Variants in UNKL observed in about 807,000 individuals in gnomAD.
UNKL encodes putative E3 ubiquitin-protein ligase UNKL.
Under a neutral mutation model 78.0 loss-of-function variants are expected in UNKL, and 60 were observed. The ratio of observed to expected loss-of-function variants is 0.77; its 90% CI spans 0.63 to 0.95. The LOEUF (loss-of-function observed/expected upper bound fraction) is 0.95. Ranked by LOEUF, UNKL falls within the 40% of genes least tolerant of loss-of-function variation. The pLI, the probability that UNKL is intolerant of heterozygous loss-of-function variation, is 0.00. For missense variants in UNKL, 1,159 were observed against 1,045.7 expected, an observed-to-expected ratio of 1.11 and a Z score of -1.49; for synonymous variants, 608 against 474.8, an observed-to-expected ratio of 1.28 and a Z score of -3.65.
intron 7 of UNKL, among the ~76,000 whole-genome samples, chr16:1,393,746 G>GA (rs2037145841): frequency 1.3e-5 from 2 of 152,210 alleles, no homozygotes; most frequent in African/African-American, 4.8e-5. Flanking sequence ...TGCCTGGCAA[G>GA]ATGGCAGTCT....
In UNKL at chr16:1,367,206, G is replaced by C; in HGVS notation, c.1932C>G (p.Gly644=). 3 of 1,605,092 alleles carry C rather than the reference G, an allele frequency of 1.9e-6. No homozygotes were observed. Among genetic ancestry groups the C allele is most frequent in the Non-Finnish European group, 2.5e-6 (3 of 1,178,076 alleles). Residue 644 remains glycine (G), a synonymous_variant, in exon 14 of 15, where the codon GGC becomes GGG. Transcript: ENST00000389221. ...KQLQEELEGL[G]VASTLPGLRG... ...GCAGCCCCGGCAGTGTGGAGGCTAC[G>C]CCCAGGCCCTCCAGCTCCTCCTGCA... is the stretch of plus-strand genomic sequence containing the variant.
At position 1,403,194 on chromosome 16, in the gene UNKL, G is replaced by A. The variant is rs765400788; in HGVS notation, c.438C>T (p.Asp146=). ...LHCAFAHGPL[D]LRPPVCDVRE... is the part of the protein sequence containing the mutation. Reference sequence around the variant, plus strand: ...TGACGTCACACACGGGCGGCCGCAGGTCCAGGGGGCCGTGCGCGAAGGCAC... The same window carrying A: ...TGACGTCACACACGGGCGGCCGCAGATCCAGGGGGCCGTGCGCGAAGGCAC... The change falls in exon 3 of 15, where the codon GAC becomes GAT. Residue 146 remains aspartate, a synonymous_variant. Transcript: ENST00000389221. The surrounding 1 kb of genome is among the most constrained non-coding windows in gnomAD (Gnocchi z 4.8). 3 of 1,613,596 alleles carry A rather than the reference G, an allele frequency of 1.9e-6. No homozygotes were observed. The highest frequency in any genetic ancestry group is 2.2e-5 in the South Asian group (2 of 91,020).
chr16:1,401,832 T>A (rs1275972925), intron 3 of UNKL, 131 bp from the exon 4 acceptor site: 42 of 1,280,510 alleles, frequency 3.3e-5, no homozygotes, highest in Non-Finnish European at 4.3e-5. Context: ...CAGGACGGAG[T>A]CTCAGTGTGT....
intron 2 of UNKL, among the ~76,000 whole-genome samples, chr16:1,405,020 C>T (rs1196350120): frequency 6.6e-6 from 1 of 151,896 alleles, no homozygotes; most frequent in African/African-American, 2.4e-5. Flanking sequence ...ATGGTGAGTC[C>T]CCATCTCTAC....
chr16:1,413,038 A>G (rs1306779250), intron 2 of UNKL, among the ~76,000 whole-genome samples: 2 of 151,900 alleles, frequency 1.3e-5, no homozygotes, highest in African/African-American at 4.8e-5. Flanking sequence ...GCTTGAGCCC[A>G]GAAGTTCAAG....
chr16:1,409,599 G>A (rs1471973349), intron 2 of UNKL, among the ~76,000 whole-genome samples: 1 of 152,126 alleles, frequency 6.6e-6, no homozygotes, highest in Non-Finnish European at 1.5e-5. Flanking sequence ...ATTATAAACT[G>A]TAAGCCATTC....
intron 7 of UNKL, among the ~76,000 whole-genome samples, chr16:1,393,720 G>A (rs2037144829): frequency 6.6e-6 from 1 of 152,180 alleles, no homozygotes; most frequent in Non-Finnish European, 1.5e-5. Flanking sequence ...CAAGGGAGGT[G>A]GTGCTCCTGG....
intron 10 of UNKL, among the ~76,000 whole-genome samples, chr16:1,379,980 C>G (rs2036535773): frequency 6.6e-6 from 1 of 152,182 alleles, no homozygotes; most frequent in African/African-American, 2.4e-5. Context: ...CACGGTCGAC[C>G]CAACAGGGGC....
chr16:1,372,220 T>C (rs1385988475), intron 10 of UNKL, among the ~76,000 whole-genome samples: 4 of 151,870 alleles, frequency 2.6e-5, no homozygotes, highest in East Asian at 1.9e-4. Flanking sequence ...GCCGAGATCG[T>C]GCCACTGCCC....
chr16:1,413,571 A>G (rs1283775636), intron 2 of UNKL, among the ~76,000 whole-genome samples: 1 of 152,252 alleles, frequency 6.6e-6, no homozygotes, highest in Non-Finnish European at 1.5e-5. Context: ...TCCGTCTCAA[A>G]AAACAAACAA....
chr16:1,367,220 G>A lies in UNKL; in HGVS notation c.1918C>T (p.Leu640=), dbSNP rs1351558490. 3 of 1,602,676 alleles carry A rather than the reference G, an allele frequency of 1.9e-6. No individual in the cohort carries two copies. Among genetic ancestry groups the A allele is most frequent in the South Asian group, 1.1e-5 (1 of 89,288 alleles). ...GTGGAGGCTACGCCCAGGCCCTCCAGCTCCTCCTGCAGCTGCTTCACCTGT... is the reference window on the plus strand; with the variant it reads ...GTGGAGGCTACGCCCAGGCCCTCCAACTCCTCCTGCAGCTGCTTCACCTGT... ...EAQVKQLQEE[L]EGLGVASTLP... The change falls in exon 14 of 15, where the codon CTG becomes TTG. Residue 640 remains leucine (L), a synonymous_variant. Transcript: ENST00000389221.
chr16:1,396,389 T>A (rs1420733133), intron 6 of UNKL, among the ~76,000 whole-genome samples: 1 of 150,976 alleles, frequency 6.6e-6, no homozygotes, highest in Non-Finnish European at 1.5e-5. Flanking sequence ...CAAGTTCAAG[T>A]GCTCCTCGCG....
chr16:1,389,066 G>A (rs775910942), intron 9 of UNKL, among the ~76,000 whole-genome samples: 49 of 86,016 alleles, frequency 5.7e-4, no homozygotes, highest in Non-Finnish European at 1.0e-3. Context: ...CCCCGGCCCC[G>A]GCCCCGGCCC....
intron 2 of UNKL, chr16:1,411,849 A>C (rs1203555869): frequency 6.6e-6 from 1 of 152,236 alleles, no homozygotes; most frequent in Non-Finnish European, 1.5e-5. Flanking sequence ...ACACTATTTA[A>C]CTAATGTACA....
intron 10 of UNKL, among the ~76,000 whole-genome samples, chr16:1,382,616 G>T (rs1437138523): frequency 2.6e-5 from 4 of 152,206 alleles, no homozygotes; most frequent in African/African-American, 4.8e-5. Context: ...CTGCGAGGGG[G>T]AGATGCACAC....
intron 2 of UNKL, chr16:1,412,201 T>A (rs1797766349): frequency 6.6e-6 from 1 of 152,380 alleles, no homozygotes; most frequent in African/African-American, 2.4e-5. Context: ...GTATTTTCCC[T>A]GTTTTCCCAT....
intron 10 of UNKL, chr16:1,378,969 G>A (rs1197941079): frequency 3.3e-5 from 5 of 152,294 alleles, no homozygotes; most frequent in Non-Finnish European, 5.9e-5. Flanking sequence ...AGAAAGAGCT[G>A]ACCCTTGTGC....
chr16:1,391,664 G>A (rs983557394), intron 8 of UNKL, among the ~76,000 whole-genome samples: 4 of 151,708 alleles, frequency 2.6e-5, no homozygotes, highest in African/African-American at 4.8e-5. Context: ...GCTCCCTGTC[G>A]GTTCTCCTGA....
chr16:1,393,046 C>T, intron 7 of UNKL, 70 bp from the exon 8 acceptor site: 1 of 1,462,894 alleles, frequency 6.8e-7, no homozygotes, highest in Admixed American at 2.0e-5. Flanking sequence ...GAAGTCTCCG[C>T]ACCACACGTC....
Sources: gnomAD v4.1 joint callset for allele counts (sites outside exome capture counted in the v4.1 genomes callset) on GRCh38, gnomAD v4.1.1 for gene constraint, Gnocchi (gnomAD v3.1) non-coding constraint, MANE v1.5 for transcripts, NCBI Gene and HGNC (gene_info 2026-07-23, HGNC 2026-07-21) for gene names.